The following SETD7 variants were observed in gnomAD, a reference collection of about 807,000 sequenced individuals.
SETD7 encodes SET domain containing 7, histone lysine methyltransferase.
SETD7 carries 16 observed loss-of-function variants against 41.8 expected under a neutral mutation model. The observed-to-expected ratio is 0.38, with a 90% CI of 0.26 to 0.58. The LOEUF is 0.58. SETD7 is among the 20% of genes least tolerant of loss of function. The pLI is 0.64. For synonymous variants in SETD7, 163 were observed against 169.7 expected (o/e 0.96, Z 0.31); for missense variants, 346 against 459.7 (o/e 0.75, Z 2.26).
intron 2 of SETD7, among the ~76,000 whole-genome samples, chr4:139,536,270 C>T (rs1727633296): frequency 6.6e-6 from 1 of 152,154 alleles, no homozygotes; most frequent in South Asian, 2.1e-4. Context: ...TTCCATAATA[C>T]ATATGGGAGC....
At chr4:139,498,472 A>G (rs2111107034) in intron 7 of SETD7, among the ~76,000 whole-genome samples, 1 of 152,200 alleles carries the variant, frequency 6.6e-6, no homozygotes, top group South Asian at 2.1e-4. Flanking sequence ...ACACCACAAT[A>G]CAGGTTCTTG....
At chr4:139,533,487 A>G (rs1264688546) in intron 2 of SETD7, 121 bp from the exon 3 acceptor site, 3 of 792,406 alleles carry the variant, frequency 3.8e-6, no homozygotes, top group Non-Finnish European at 6.1e-6. Flanking sequence ...GATTCAGCGC[A>G]GCCTCCTAAA....
chr4:139,501,760 T>C (rs1726581699), downstream of SETD7, among the ~76,000 whole-genome samples: 1 of 152,328 alleles, frequency 6.6e-6, no homozygotes, highest in South Asian at 2.1e-4. Flanking sequence ...GCCAGCTAGA[T>C]GCTTCACTCA....
rs78553478 is a variant in SETD7 at position 139,496,255 on chromosome 4, G to A, written c.*98C>T. The A allele has an allele frequency of 7.4e-3, 4,210 of 572,406 alleles. 133 individuals carry two copies. The highest frequency in any genetic ancestry group is 0.066 in the African/African-American group (3,501 of 52,670). The allele number at this position is 572,406 out of a possible 1,614,324, so 35.5% of individuals were successfully genotyped here. A position where few individuals can be genotyped will look rare whatever the true frequency, so the allele number is the denominator to read the frequency against. ...GTATCTCTTTTCAGATCTTAAAATG[G>A]CTCCCAGAGTGCGATTTTGAGTTCT... On this transcript the variant is annotated 3_prime_UTR_variant, in exon 8 of 8. Transcript: ENST00000506866.
intron 2 of SETD7, among the ~76,000 whole-genome samples, chr4:139,538,318 C>T (rs1560688754): frequency 6.6e-6 from 1 of 152,278 alleles, no homozygotes; most frequent in South Asian, 2.1e-4. Context: ...ATTTCACATA[C>T]AGTATTTAAG....
chr4:139,541,903 C>T (rs1230034842), intron 2 of SETD7, among the ~76,000 whole-genome samples: 1 of 152,164 alleles, frequency 6.6e-6, no homozygotes, highest in Non-Finnish European at 1.5e-5. Context: ...AAATAGATAG[C>T]TATTTCTTCC....
Position 139,508,331 on chromosome 4 carries a change from G to C in SETD7, c.*3332C>G, listed in dbSNP as rs1726765761. The C allele has an allele frequency of 6.6e-6, 1 of 152,130 alleles. No homozygotes were observed. The highest frequency in any genetic ancestry group is 1.5e-5 in the Non-Finnish European group (1 of 68,018). 9.4% of individuals were successfully genotyped at this position (152,130 alleles called of 1,614,324 possible). A position where few individuals can be genotyped will look rare whatever the true frequency, so the allele number is the denominator to read the frequency against. The stretch of plus-strand genomic sequence containing the variant: ...CTTCTTAGTGTCTCAGGTAGATCAA[G>C]GATGAAGCAAGTTAAAATAAGAATA... On this transcript the variant is annotated 3_prime_UTR_variant, in exon 8 of 8. Transcript: ENST00000274031.
In SETD7 at chr4:139,508,915, C is replaced by T. The variant is rs1726782160; in HGVS notation, c.*2748G>A. On this transcript the variant is annotated 3_prime_UTR_variant, in exon 8 of 8. Coordinates refer to ENST00000274031, the MANE Select transcript of SETD7 (RefSeq NM_030648.4). Reference sequence around the variant, plus strand: ...TCCCTACCTACAGAACTCAGTGAATCTCAAGCCTTACTCCGATTCCAACCT... The same window carrying T: ...TCCCTACCTACAGAACTCAGTGAATTTCAAGCCTTACTCCGATTCCAACCT... The T allele has an allele frequency of 6.6e-6, 1 of 152,226 alleles. No individual in the cohort carries two copies. Among genetic ancestry groups the T allele is most frequent in the Non-Finnish European group, 1.5e-5 (1 of 68,086 alleles). The allele number at this position is 152,226 out of a possible 1,614,324, so 9.4% of individuals were successfully genotyped here.
At chr4:139,530,151 T>C (rs1727442707) in intron 3 of SETD7, among the ~76,000 whole-genome samples, 1 of 152,182 alleles carries the variant, frequency 6.6e-6, no homozygotes, top group Middle Eastern at 3.2e-3. Context: ...AGATGTTTCT[T>C]TCTTTCTTTC....
Position 139,525,929 on chromosome 4 carries a change from AAAACAC to A in SETD7, c.563-2500_563-2495del, listed in dbSNP as rs755925565. Among the ~76,000 whole-genome samples, 37 of 152,330 alleles carry A rather than the reference AAAACAC, an allele frequency of 2.4e-4. No homozygotes were observed. In the South Asian group the frequency reaches 2.9e-3, roughly 12 times the overall value. On this transcript the variant is annotated intron_variant, in intron 4 of 7. Transcript: ENST00000274031. ...TGAGGCTCAAACTATTCAACATTTC[AAAACAC>A]CTGAGGTCTGCAGGAATCTTGCCAA... is the stretch of plus-strand genomic sequence containing the variant.
At chr4:139,516,677 A>G (rs1465683798) in intron 7 of SETD7, among the ~76,000 whole-genome samples, 1 of 152,124 alleles carries the variant, frequency 6.6e-6, no homozygotes, top group Non-Finnish European at 1.5e-5. Flanking sequence ...TTTTTTAAAA[A>G]AAAACAGCTT....
chr4:139,553,950 A>G (rs1285882458), intron 1 of SETD7, among the ~76,000 whole-genome samples: 4 of 152,366 alleles, frequency 2.6e-5, no homozygotes, highest in Non-Finnish European at 4.4e-5. Context: ...TGGCTGGACA[A>G]GAGTGCACGC....
intron 1 of SETD7, 28 bp from the exon 2 acceptor site, chr4:139,547,077 C>G (rs748769116): frequency 6.2e-7 from 1 of 1,612,686 alleles, no homozygotes; most frequent in Non-Finnish European, 8.5e-7. Context: ...CAAGGCAAAC[C>G]TTAACATCTT....
rs1726839354 is a variant in SETD7, at chr4:139,510,506, C to T, written c.*1157G>A. ...GTTGCTTTTAAACTATACAGGTGTT[C>T]AGTCTTAGTTTACAATGTTTTGAAG... is the stretch of plus-strand genomic sequence containing the variant. On this transcript the variant is annotated 3_prime_UTR_variant, in exon 8 of 8. Transcript: ENST00000274031. 1 of 152,156 alleles carries T rather than the reference C, an allele frequency of 6.6e-6. No homozygotes were observed. Among genetic ancestry groups the T allele is most frequent in the Non-Finnish European group, 1.5e-5 (1 of 68,036 alleles). 9.4% of individuals were successfully genotyped at this position (152,156 alleles called of 1,614,324 possible).
chr4:139,505,150 G>A (rs1409589414), downstream of SETD7, among the ~76,000 whole-genome samples: 1 of 152,146 alleles, frequency 6.6e-6, no homozygotes, highest in East Asian at 1.9e-4. Flanking sequence ...GAGATCTCAT[G>A]GCCTGCTTCA....
chr4:139,498,571 T>C lies in SETD7; in HGVS notation c.921-2050A>G, dbSNP rs1231455484. Among the ~76,000 whole-genome samples, 7 of 152,148 alleles carry C rather than the reference T, an allele frequency of 4.6e-5. No individual in the cohort carries two copies. In the East Asian group the frequency reaches 1.3e-3, roughly 29 times the overall value. On this transcript the variant is annotated intron_variant, in intron 7 of 7. Coordinates refer to the SETD7 transcript ENST00000506866. ...TGTAACATGGTGTGCCCCCTCCTCT[T>C]GGGAACTGTGAATAACAAACTATTG...
chr4:139,527,821 C>G (rs183205716), intron 4 of SETD7, among the ~76,000 whole-genome samples: 15 of 152,294 alleles, frequency 9.8e-5, no homozygotes, highest in Admixed American at 1.3e-4. Flanking sequence ...CTTCCAGGAT[C>G]CAATCCAGAA....
chr4:139,502,660 A>T (rs1045679994), downstream of SETD7, among the ~76,000 whole-genome samples: 1 of 152,066 alleles, frequency 6.6e-6, no homozygotes, highest in African/African-American at 2.4e-5. Flanking sequence ...AACCAGTCTG[A>T]CTCCAGATCT....
downstream of SETD7, among the ~76,000 whole-genome samples, chr4:139,504,036 G>C (rs1204415014): frequency 6.6e-6 from 1 of 152,208 alleles, no homozygotes; most frequent in South Asian, 2.1e-4. Flanking sequence ...AGCTGAGAAA[G>C]GCAGAGTGGA....
Sources: allele counts gnomAD v4.1 joint callset (sites outside exome capture counted in the v4.1 genomes callset), GRCh38; gene constraint gnomAD v4.1.1; transcripts MANE v1.5; gene names NCBI Gene and HGNC (gene_info 2026-07-23, HGNC 2026-07-21).